WDR75: variants seen among roughly 807,000 people sequenced by gnomAD.
WDR75 encodes the protein WD repeat-containing protein 75.
In WDR75, 52 loss-of-function variants were observed where a neutral mutation model predicts 106.1. The ratio of observed to expected loss-of-function variants is 0.49; its 90% CI spans 0.39 to 0.62. The LOEUF (loss-of-function observed/expected upper bound fraction) is 0.62, where lower values mean the gene tolerates loss of function less well. Ranked by LOEUF, WDR75 falls within the 20% of genes least tolerant of loss-of-function variation. WDR75 has a pLI of 0.00. For missense variants in WDR75, 905 were observed against 970.3 expected, an observed-to-expected ratio of 0.93 and a Z score of 0.89; for synonymous variants, 333 against 335.5, an observed-to-expected ratio of 0.99 and a Z score of 0.08.
intron 1 of WDR75, among the ~76,000 whole-genome samples, chr2:189,442,836 T>C (rs1430606042): frequency 6.6e-6 from 1 of 151,972 alleles, no homozygotes; most frequent in Non-Finnish European, 1.5e-5. Context: ...TAAATTGCCT[T>C]AGAAGCCAAA....
chr2:189,463,580 T>C, intron 9 of WDR75, 114 bp from the exon 10 acceptor site: 1 of 840,140 alleles, frequency 1.2e-6, no homozygotes, highest in Non-Finnish European at 1.9e-6. Flanking sequence ...AATAATGTTT[T>C]CAGAAAGTTT....
At chr2:189,448,636 T>A in intron 2 of WDR75, 128 bp downstream of exon 2, 1 of 1,227,598 alleles carries the variant, frequency 8.1e-7, no homozygotes, top group Non-Finnish European at 1.2e-6. Flanking sequence ...AGTTGTAGGG[T>A]ATTTTCCACT....
intron 1 of WDR75, among the ~76,000 whole-genome samples, chr2:189,441,809 C>T (rs924456755): frequency 2.0e-5 from 3 of 152,108 alleles, no homozygotes; most frequent in Non-Finnish European, 4.4e-5. Context: ...AGATAAAGGC[C>T]CTGGAGCCGG....
chr2:189,445,054 C>T (rs573517796), intron 1 of WDR75, among the ~76,000 whole-genome samples: 2 of 152,280 alleles, frequency 1.3e-5, no homozygotes, highest in South Asian at 4.1e-4. Context: ...ACCTTCCAGT[C>T]TACAAGGTTA....
At chr2:189,442,250 A>C (rs1037120215) in intron 1 of WDR75, among the ~76,000 whole-genome samples, 2 of 152,120 alleles carry the variant, frequency 1.3e-5, no homozygotes, top group Non-Finnish European at 2.9e-5. Context: ...TAAATGCCTC[A>C]ATATGTTAAA....
In WDR75 at chr2:189,451,808, T is replaced by G; in HGVS notation, c.286T>G (p.Phe96Val). ...TATGGTGCTCTTTATCTTTCAGACT[T>G]TCATAGTTGGATGTAAACTTCATGC... is the stretch of plus-strand genomic sequence containing the variant. ...DYIDGILIKT[F>V]IVGCKLHALF... Residue 96 changes from phenylalanine to valine, a missense_variant, in exon 4 of 21, where the codon TTC (phenylalanine) becomes GTC (valine). Coordinates refer to ENST00000314761, the MANE Select transcript of WDR75 (RefSeq NM_032168.3). 1 of 1,613,240 alleles carries G rather than the reference T, an allele frequency of 6.2e-7. No homozygotes were observed. The highest frequency in any genetic ancestry group is 1.7e-4 in the Middle Eastern group (1 of 6,058).
intron 9 of WDR75, among the ~76,000 whole-genome samples, chr2:189,462,921 A>G (rs1356060878): frequency 6.6e-6 from 1 of 152,210 alleles, no homozygotes; most frequent in African/African-American, 2.4e-5. Flanking sequence ...GTGTGGGATG[A>G]CATGAGGAAA....
chr2:189,452,986 G>A (rs13430671), intron 4 of WDR75, among the ~76,000 whole-genome samples: 9,853 of 152,166 alleles, frequency 0.065, 494 homozygotes, highest in African/African-American at 0.14. Context: ...ATATACCATG[G>A]CCCTGTCTCT....
intron 11 of WDR75, chr2:189,464,328 T>C: frequency 5.4e-6 from 1 of 186,874 alleles, no homozygotes; most frequent in Admixed American, 5.8e-5. Context: ...TATTCACATA[T>C]TGAAGATAAA....
chr2:189,463,872 A>T lies in WDR75; in HGVS notation c.1024A>T (p.Ile342Phe). The change falls in exon 11 of 21, where the codon ATT becomes TTT. Residue 342 changes from isoleucine to phenylalanine, a missense_variant. Ile to Phe is a conservative substitution (Grantham distance 21). Transcript: ENST00000314761. ...TAGGAGTATCTTCACTGGTTTGATG[A>T]TTGATCCAAGAACTAAAGCTTTGGT... ...KDRSIFTGLM[I>F]DPRTKALVLN... The T allele has an allele frequency of 1.9e-6, 3 of 1,613,916 alleles. 1 individual carries two copies. Among genetic ancestry groups the T allele is most frequent in the Non-Finnish European group, 2.5e-6 (3 of 1,179,842 alleles).
In WDR75 at chr2:189,450,907, ATTC is replaced by A. The variant is rs1183921142; in HGVS notation, c.224_226del (p.Ser75del). ...TGTATTGTTTTACCCTTTTAGCTGT[ATTC>A]TTGTTCCCTTGATGGCACAATTAAA... On this transcript the variant is annotated inframe_deletion, in exon 3 of 21. Coordinates refer to ENST00000314761, the MANE Select transcript of WDR75 (RefSeq NM_032168.3). The A allele has an allele frequency of 5.6e-6, 9 of 1,609,856 alleles. No homozygotes were observed. The highest frequency in any genetic ancestry group is 1.3e-5 in the African/African-American group (1 of 74,706).
chr2:189,442,391 T>A (rs1196342456), intron 1 of WDR75, among the ~76,000 whole-genome samples: 1 of 151,068 alleles, frequency 6.6e-6, no homozygotes, highest in Non-Finnish European at 1.5e-5. Context: ...CCTTTCTGCC[T>A]TAGAAGAGTA....
Position 189,468,499 on chromosome 2 carries a change from G to A in WDR75, c.1653G>A (p.Thr551=), listed in dbSNP as rs562102061. ...KIRHLCFGRL[T]CSKYLLGATE... is the part of the protein sequence containing the mutation. ...GGCACCTTTGCTTTGGGAGATTGACGTGTTCAAAGTATCTACTTGGTGCTA... is the reference window on the plus strand; with the variant it reads ...GGCACCTTTGCTTTGGGAGATTGACATGTTCAAAGTATCTACTTGGTGCTA... Residue 551 remains threonine (T), a synonymous_variant, in exon 15 of 21, where the codon ACG becomes ACA. Transcript: ENST00000314761. 15 of 1,613,318 alleles carry A rather than the reference G, an allele frequency of 9.3e-6. No individual in the cohort carries two copies. Among genetic ancestry groups the A allele is most frequent in the Admixed American group, 5.0e-5 (3 of 59,992 alleles).
At chr2:189,450,091 T>C (rs972815694) in intron 2 of WDR75, 7 of 967,228 alleles carry the variant, frequency 7.2e-6, no homozygotes, top group Non-Finnish European at 7.4e-6. Flanking sequence ...TACCATTCTG[T>C]ATAAGAGTAC....
intron 4 of WDR75, among the ~76,000 whole-genome samples, chr2:189,454,822 G>A (rs77881195): frequency 0.044 from 6,721 of 152,232 alleles, 184 homozygotes; most frequent in African/African-American, 0.065. Flanking sequence ...TTATGTACAT[G>A]AGTTATGGAA....
In WDR75 at chr2:189,448,490, C is replaced by A. The variant is rs769386213; in HGVS notation, c.198C>A (p.Asn66Lys). ...ATCTGGTGACTGGAATCCAGCTTAA[C>A]CCCAACAACCATCTACAGGTGTCAA... is the stretch of plus-strand genomic sequence containing the variant. ...HRNLVTGIQL[N>K]PNNHLQLYSC... Residue 66 changes from asparagine (N) to lysine (K), a missense_variant, in exon 2 of 21, where the codon AAC becomes AAA. Coordinates refer to ENST00000314761, the MANE Select transcript of WDR75 (RefSeq NM_032168.3). 26 of 1,613,804 alleles carry A rather than the reference C, an allele frequency of 1.6e-5. No homozygotes were observed. Among genetic ancestry groups the A allele is most frequent in the East Asian group, 2.2e-5 (1 of 44,872 alleles).
chr2:189,469,363 A>T lies in WDR75; in HGVS notation c.1743A>T (p.Leu581Phe). The T allele has an allele frequency of 3.1e-6, 5 of 1,613,352 alleles. No homozygotes were observed. Among genetic ancestry groups the T allele is most frequent in the Non-Finnish European group, 4.2e-6 (5 of 1,179,416 alleles). ...CCTCAGTGGAGTGGAATGCAAAATT[A>T]AATGTTAGAGTTATGGAACCCGATC... ...LSCALEWNAK[L>F]NVRVMEPDPN... is the part of the protein sequence containing the mutation. Residue 581 changes from leucine (L) to phenylalanine (F), a missense_variant, in exon 16 of 21, where the codon TTA (leucine) becomes TTT (phenylalanine). Transcript: ENST00000314761.
chr2:189,470,704 A>AAT, intron 17 of WDR75, 115 bp from the exon 18 acceptor site: 1 of 576,920 alleles, frequency 1.7e-6, no homozygotes, highest in Non-Finnish European at 2.8e-6. Context: ...TCTGTTGTCA[A>AAT]ATATATATAT....
chr2:189,469,684 T>C (rs192353269), intron 16 of WDR75, among the ~76,000 whole-genome samples: 1 of 152,282 alleles, frequency 6.6e-6, no homozygotes, highest in African/African-American at 2.4e-5. Flanking sequence ...ATTCAAGAGA[T>C]TTCACCAGTT....
Sources: gnomAD v4.1 joint callset for allele counts (sites outside exome capture counted in the v4.1 genomes callset) on GRCh38, gnomAD v4.1.1 for gene constraint, MANE v1.5 for transcripts, NCBI Gene and HGNC (gene_info 2026-07-23, HGNC 2026-07-21) for gene names.